The following CADPS variants were observed in gnomAD, a reference collection of about 807,000 sequenced individuals.
CADPS encodes the protein calcium dependent secretion activator.
Under a neutral mutation model 167.3 loss-of-function variants are expected in CADPS, and 57 were observed. The observed-to-expected ratio is 0.34, with a 90% CI of 0.28 to 0.42. CADPS has a LOEUF of 0.42. Ranked by LOEUF, CADPS falls within the 20% of genes least tolerant of loss-of-function variation. The pLI is 1.00. For missense variants in CADPS, 1,414 were observed against 1,738.1 expected, an observed-to-expected ratio of 0.81 and a Z score of 3.32; for synonymous variants, 676 against 635.3, an observed-to-expected ratio of 1.06 and a Z score of -0.96.
At chr3:62,714,513 G>C (rs1286307627) in intron 3 of CADPS, among the ~76,000 whole-genome samples, 1 of 152,184 alleles carries the variant, frequency 6.6e-6, no homozygotes, top group Non-Finnish European at 1.5e-5. Flanking sequence ...GAAGACATGA[G>C]GGTGGGGAGC....
At chr3:62,838,610 C>T (rs1441032200) in intron 1 of CADPS, among the ~76,000 whole-genome samples, 1 of 152,140 alleles carries the variant, frequency 6.6e-6, no homozygotes, top group African/African-American at 2.4e-5. Context: ...CCTGACTTTG[C>T]TAATTTCTAA....
At chr3:62,584,593 G>C (rs957021208) in intron 8 of CADPS, among the ~76,000 whole-genome samples, 8 of 152,156 alleles carry the variant, frequency 5.3e-5, no homozygotes, top group African/African-American at 1.4e-4. Flanking sequence ...ACAAACATTT[G>C]CTAGAAAAAT....
At chr3:62,485,462 C>T (rs1426135321) in intron 21 of CADPS, among the ~76,000 whole-genome samples, 2 of 152,168 alleles carry the variant, frequency 1.3e-5, no homozygotes, top group Non-Finnish European at 2.9e-5. Flanking sequence ...TGATTTCCCT[C>T]TATTCTTATG....
At chr3:62,663,255 T>C (rs2073710340) in intron 3 of CADPS, among the ~76,000 whole-genome samples, 1 of 152,142 alleles carries the variant, frequency 6.6e-6, no homozygotes, top group Non-Finnish European at 1.5e-5. Flanking sequence ...GTATAGATAA[T>C]ATATAAGTGA....
At chr3:62,516,700 T>C in intron 14 of CADPS, 57 bp from the exon 15 acceptor site, 5 of 1,248,958 alleles carry the variant, frequency 4.0e-6, no homozygotes, top group Middle Eastern at 1.9e-4. Flanking sequence ...GCATGAAATA[T>C]GCTGCAATTT....
chr3:62,795,418 C>T (rs907268081), intron 1 of CADPS, among the ~76,000 whole-genome samples: 13 of 152,066 alleles, frequency 8.5e-5, no homozygotes, highest in African/African-American at 2.7e-4. Context: ...TTTTCTTGTT[C>T]GTCACTGCAC....
At chr3:62,529,075 C>A (rs1235187752) in intron 13 of CADPS, among the ~76,000 whole-genome samples, 1 of 152,192 alleles carries the variant, frequency 6.6e-6, no homozygotes, top group East Asian at 1.9e-4. Context: ...GCAGGAGAAT[C>A]GCTTGAGCTC....
chr3:62,825,935 G>A (rs1319720728), intron 1 of CADPS, among the ~76,000 whole-genome samples: 1 of 152,168 alleles, frequency 6.6e-6, no homozygotes, highest in Non-Finnish European at 1.5e-5. Flanking sequence ...CATCAGGGGA[G>A]AAGCGAGGGT....
chr3:62,681,551 A>T (rs550610483), intron 3 of CADPS, among the ~76,000 whole-genome samples: 1 of 152,160 alleles, frequency 6.6e-6, no homozygotes, highest in African/African-American at 2.4e-5. Context: ...TTGCGTACAC[A>T]TCTAATCCTC....
At chr3:62,587,965 T>G (rs1399562392) in intron 7 of CADPS, among the ~76,000 whole-genome samples, 1 of 152,228 alleles carries the variant, frequency 6.6e-6, no homozygotes, top group Non-Finnish European at 1.5e-5. Context: ...ACACCTCATC[T>G]GGACATTCCA....
chr3:62,474,362 T>C, intron 23 of CADPS, 42 bp from the exon 24 acceptor site: 2 of 1,590,092 alleles, frequency 1.3e-6, no homozygotes, highest in South Asian at 1.1e-5. Context: ...AGCGTTCAGA[T>C]GGCAGCAGGT....
At chr3:62,519,548 G>A (rs2069902254) in intron 13 of CADPS, among the ~76,000 whole-genome samples, 1 of 152,084 alleles carries the variant, frequency 6.6e-6, no homozygotes, top group Non-Finnish European at 1.5e-5. Context: ...TCCAAAGAAA[G>A]GCAAAATGAT....
intron 27 of CADPS, chr3:62,439,650 A>T (rs577141542): frequency 6.6e-6 from 1 of 152,290 alleles, no homozygotes; most frequent in African/African-American, 2.4e-5. Context: ...ATCAAAGGGC[A>T]TTCTCAGTAG....
chr3:62,833,050 G>A (rs775229033), intron 1 of CADPS, among the ~76,000 whole-genome samples: 1 of 152,104 alleles, frequency 6.6e-6, no homozygotes, highest in Non-Finnish European at 1.5e-5. Flanking sequence ...AAAGCCACAC[G>A]GTGCCTTCTT....
chr3:62,461,329 GC>G (rs1354285022), intron 26 of CADPS, among the ~76,000 whole-genome samples: 1 of 152,168 alleles, frequency 6.6e-6, no homozygotes, highest in Non-Finnish European at 1.5e-5. Flanking sequence ...GAGATTAAAA[GC>G]CAAGATGTGG....
chr3:62,659,007 T>C (rs1299691309), intron 4 of CADPS, among the ~76,000 whole-genome samples: 3 of 152,182 alleles, frequency 2.0e-5, no homozygotes, highest in African/African-American at 4.8e-5. Flanking sequence ...TTCTGTGAAG[T>C]AGTCCTCCGT....
At chr3:62,677,470 A>G (rs527722584) in intron 3 of CADPS, among the ~76,000 whole-genome samples, 1 of 152,230 alleles carries the variant, frequency 6.6e-6, no homozygotes, top group South Asian at 2.1e-4. Context: ...TGTTTGGTAA[A>G]GTCTAGAGAC....
intron 3 of CADPS, among the ~76,000 whole-genome samples, chr3:62,748,354 A>T (rs2081989330): frequency 2.7e-5 from 4 of 147,168 alleles, no homozygotes; most frequent in Admixed American, 2.7e-4. Context: ...CAAAAAAAAA[A>T]AAAAAAAAAA....
At position 62,532,918 on chromosome 3, in the gene CADPS, A is replaced by T; in HGVS notation, c.2244T>A (p.Leu748=). The stretch of plus-strand genomic sequence containing the variant: ...CACAGAAGGCAAAGCTGTAGTGAAG[A>T]AGGGTGGGGTCGATCATGGCGCCAT... The part of the protein sequence containing the change: ...AENGAMIDPT[L]LHYSFAFCAS... The change falls in exon 13 of 30, where the codon CTT becomes CTA. Residue 748 remains leucine, a synonymous_variant. Coordinates refer to ENST00000383710, the MANE Select transcript of CADPS (RefSeq NM_003716.4). The T allele has an allele frequency of 1.2e-6, 2 of 1,613,716 alleles. No individual in the cohort carries two copies. The highest frequency in any genetic ancestry group is 3.3e-5 in the Admixed American group (2 of 59,986).
Sources: gnomAD v4.1 joint callset for allele counts (sites outside exome capture counted in the v4.1 genomes callset) on GRCh38, gnomAD v4.1.1 for gene constraint, MANE v1.5 for transcripts, NCBI Gene and HGNC (gene_info 2026-07-23, HGNC 2026-07-21) for gene names.